The following CSMD1 variants were observed in gnomAD, a reference collection of about 807,000 sequenced individuals.
CSMD1 encodes CUB and Sushi multiple domains 1.
In CSMD1, 213 loss-of-function variants were observed where a neutral mutation model predicts 417.5. The ratio of observed to expected loss-of-function variants is 0.51; its 90% confidence interval spans 0.46 to 0.57. The LOEUF is 0.57. Among genes scored for constraint, CSMD1 ranks in the 20% least tolerant of loss-of-function variants. The pLI, the probability that CSMD1 is intolerant of heterozygous loss-of-function variation, is 0.00. For synonymous variants in CSMD1, 2,862 were observed against 1,736.8 expected (o/e 1.65, Z -16.11); for missense variants, 6,923 against 4,529.7 (o/e 1.53, Z -15.17).
chr8:2,977,181 G>A (rs1008171092), intron 55 of CSMD1, among the ~76,000 whole-genome samples: 2 of 152,120 alleles, frequency 1.3e-5, no homozygotes, highest in African/African-American at 4.8e-5. Context: ...TGTGTGCCAT[G>A]GTGGTTTGCT....
chr8:3,630,699 G>T (rs931074584), intron 7 of CSMD1, among the ~76,000 whole-genome samples: 2 of 149,602 alleles, frequency 1.3e-5, no homozygotes, highest in African/African-American at 5.0e-5. Context: ...TGAGTGGTTT[G>T]CTTCCAAGAA....
At chr8:4,712,446 C>G (rs918827602) in intron 1 of CSMD1, among the ~76,000 whole-genome samples, 1 of 152,180 alleles carries the variant, frequency 6.6e-6, no homozygotes, top group East Asian at 1.9e-4. Flanking sequence ...TTACTCTGAA[C>G]CCTTCTCACA....
intron 50 of CSMD1, among the ~76,000 whole-genome samples, chr8:3,037,684 T>C (rs112061853): frequency 1.3e-5 from 2 of 152,204 alleles, no homozygotes; most frequent in Admixed American, 1.3e-4. Flanking sequence ...TTTTGGATTT[T>C]TGCTTTACCC....
At chr8:3,504,329 A>G (rs778942105) in intron 10 of CSMD1, among the ~76,000 whole-genome samples, 1 of 152,184 alleles carries the variant, frequency 6.6e-6, no homozygotes, top group South Asian at 2.1e-4. Context: ...TTACTCAACG[A>G]GAGTCTTGAA....
intron 2 of CSMD1, among the ~76,000 whole-genome samples, chr8:4,450,629 C>A (rs1027375774): frequency 6.6e-6 from 1 of 151,720 alleles, no homozygotes; most frequent in Admixed American, 6.6e-5. Flanking sequence ...CACTCAGTCT[C>A]CAAAGAAAAA....
intron 2 of CSMD1, among the ~76,000 whole-genome samples, chr8:4,449,634 G>A (rs918296495): frequency 6.6e-5 from 10 of 152,154 alleles, no homozygotes; most frequent in Admixed American, 5.9e-4. Flanking sequence ...ACATCTTGGA[G>A]CAATCCACAT....
intron 3 of CSMD1, among the ~76,000 whole-genome samples, chr8:4,243,420 G>C (rs186890438): frequency 3.1e-4 from 47 of 152,184 alleles, no homozygotes; most frequent in African/African-American, 1.1e-3. Context: ...TGACCACTTT[G>C]CTCCTTGTTC....
rs532035353 is a variant in CSMD1, at chr8:3,626,239, T to A, written c.1010-9442A>T. Among the ~76,000 whole-genome samples, 7 of 152,306 alleles carry A rather than the reference T, an allele frequency of 4.6e-5. No homozygotes were observed. The South Asian group carries it at 8.3e-4, about 18-fold the overall frequency. The stretch of plus-strand genomic sequence containing the variant: ...GAGAGCACCGGCTTAGCTGGAGGAC[T>A]TAGGGCCTGTCATTTCTGCTCTAGT... On this transcript the variant is annotated intron_variant, in intron 7 of 69. Coordinates refer to ENST00000635120, the MANE Select transcript of CSMD1 (RefSeq NM_033225.6).
chr8:3,659,047 T>C (rs111331969), intron 7 of CSMD1, among the ~76,000 whole-genome samples: 11 of 152,190 alleles, frequency 7.2e-5, no homozygotes, highest in South Asian at 4.1e-4. Context: ...CACGGCGCCA[T>C]TGCATCTACT....
At chr8:4,415,146 G>A (rs1002182241) in intron 3 of CSMD1, among the ~76,000 whole-genome samples, 1 of 152,200 alleles carries the variant, frequency 6.6e-6, no homozygotes, top group East Asian at 1.9e-4. Flanking sequence ...CTACCCTTCA[G>A]ATAGGGCAGA....
intron 7 of CSMD1, among the ~76,000 whole-genome samples, chr8:3,652,234 G>A (rs1797894115): frequency 6.6e-6 from 1 of 150,904 alleles, no homozygotes; most frequent in Non-Finnish European, 1.5e-5. Flanking sequence ...CACCACCAGA[G>A]CGCCTACCAA....
chr8:4,138,225 T>TTTC (rs1427875043), intron 3 of CSMD1, among the ~76,000 whole-genome samples: 2 of 133,730 alleles, frequency 1.5e-5, no homozygotes, highest in Admixed American at 7.8e-5. Flanking sequence ...TTTTTTTTTT[T>TTTC]CAGGTCTCTA....
At chr8:4,067,485 T>G (rs376739873) in intron 3 of CSMD1, among the ~76,000 whole-genome samples, 63,834 of 149,734 alleles carry the variant, frequency 0.43, 14,202 homozygotes, top group Non-Finnish European at 0.47. Context: ...ATAAATTACT[T>G]TTTTTTTTAA....
At chr8:4,397,505 G>T (rs1295789482) in intron 3 of CSMD1, among the ~76,000 whole-genome samples, 2 of 133,674 alleles carry the variant, frequency 1.5e-5, no homozygotes, top group African/African-American at 5.5e-5. Context: ...CATGAGCAAT[G>T]TCAACAAGCC....
intron 3 of CSMD1, among the ~76,000 whole-genome samples, chr8:4,123,165 T>C (rs991318741): frequency 6.6e-6 from 1 of 152,252 alleles, no homozygotes; most frequent in African/African-American, 2.4e-5. Flanking sequence ...CATGCTGAGA[T>C]GTTTTTTATA....
intron 3 of CSMD1, among the ~76,000 whole-genome samples, chr8:4,057,145 C>A (rs1347131823): frequency 6.6e-6 from 1 of 152,208 alleles, no homozygotes; most frequent in Non-Finnish European, 1.5e-5. Context: ...AGTTTACAGT[C>A]CCACCAACAG....
intron 5 of CSMD1, among the ~76,000 whole-genome samples, chr8:3,843,547 A>T (rs997249440): frequency 1.3e-5 from 2 of 152,158 alleles, no homozygotes; most frequent in African/African-American, 4.8e-5. Context: ...TAAAAAAAAA[A>T]CAAGTTATTC....
intron 1 of CSMD1, among the ~76,000 whole-genome samples, chr8:4,872,218 A>C (rs1426518181): frequency 6.6e-6 from 1 of 152,044 alleles, no homozygotes; most frequent in East Asian, 1.9e-4. Context: ...GAGGCCTTGG[A>C]GTTGGGACGA....
intron 12 of CSMD1, among the ~76,000 whole-genome samples, chr8:3,461,752 C>A (rs142052446): frequency 6.6e-6 from 1 of 152,326 alleles, no homozygotes; most frequent in Non-Finnish European, 1.5e-5. Flanking sequence ...CCCAATGAGA[C>A]AATACAGATG....
Sources: allele counts gnomAD v4.1 joint callset (sites outside exome capture counted in the v4.1 genomes callset), GRCh38; gene constraint gnomAD v4.1.1; transcripts MANE v1.5; gene names NCBI Gene and HGNC (gene_info 2026-07-23, HGNC 2026-07-21).